Variants in GRID2 observed in about 807,000 individuals in gnomAD.
GRID2 encodes the protein glutamate ionotropic receptor delta type subunit 2, also known as glutamate receptor ionotropic, delta-2.
Under a neutral mutation model 114.8 loss-of-function variants are expected in GRID2, and 33 were observed. That is an observed-to-expected ratio of 0.29 (90% CI 0.22 to 0.38). The LOEUF (loss-of-function observed/expected upper bound fraction) is 0.38, where lower values mean the gene tolerates loss of function less well. GRID2 is among the 10% of genes least tolerant of loss of function. The pLI is 1.00. For missense variants in GRID2, 1,184 were observed against 1,257.7 expected (o/e 0.94, Z 0.89); for synonymous variants, 505 against 449.9 (o/e 1.12, Z -1.55).
intron 1 of GRID2, among the ~76,000 whole-genome samples, chr4:92,387,763 G>A (rs1334513572): frequency 1.3e-5 from 2 of 152,080 alleles, no homozygotes; most frequent in Middle Eastern, 3.4e-3. Context: ...AATGTAGAAG[G>A]GGCCTTCCTA....
Position 93,206,591 on chromosome 4 carries a change from TACACACACAC to T in GRID2, c.736-784_736-775del, listed in dbSNP as rs5860312. The stretch of plus-strand genomic sequence containing the variant: ...ACCTTCATATAGAAACTGCCCCTAC[TACACACACAC>T]ACACACACACACACACACACACACA... On this transcript the variant is annotated intron_variant, in intron 4 of 15. Transcript: ENST00000282020. Among the ~76,000 whole-genome samples the T allele has an allele frequency of 2.7e-4, 38 of 143,044 alleles. 1 individual carries two copies. In the South Asian group the frequency reaches 4.9e-3, roughly 19 times the overall value. The allele number at this position is 143,044 out of a possible 152,430, so 93.8% of individuals were successfully genotyped here.
intron 7 of GRID2, among the ~76,000 whole-genome samples, chr4:93,229,291 G>A (rs1040848556): frequency 6.6e-6 from 1 of 152,170 alleles, no homozygotes; most frequent in Admixed American, 6.6e-5. Flanking sequence ...CTCCCAAGAA[G>A]AGCAGAATGG....
chr4:93,282,197 A>G (rs139499983), intron 8 of GRID2, among the ~76,000 whole-genome samples: 10 of 152,160 alleles, frequency 6.6e-5, no homozygotes, highest in African/African-American at 2.4e-4. Flanking sequence ...ATTCATGTTC[A>G]TTTCCTTTAA....
At chr4:93,615,797 G>A (rs1185974684) in intron 13 of GRID2, among the ~76,000 whole-genome samples, 1 of 151,196 alleles carries the variant, frequency 6.6e-6, no homozygotes, top group Non-Finnish European at 1.5e-5. Flanking sequence ...CTGAGTTTTT[G>A]TTACAATCTA....
At chr4:92,753,488 T>A (rs891196877) in intron 2 of GRID2, among the ~76,000 whole-genome samples, 5 of 152,188 alleles carry the variant, frequency 3.3e-5, no homozygotes, top group African/African-American at 9.7e-5. Flanking sequence ...TCCTTATGCA[T>A]CCTGTTTTCA....
In GRID2 at chr4:92,612,412, C is replaced by T. The variant is rs369232777; in HGVS notation, c.244+22126C>T. On this transcript the variant is annotated intron_variant, in intron 2 of 15. Coordinates refer to ENST00000282020, the MANE Select transcript of GRID2 (RefSeq NM_001510.4). ...TTTCCAACACTTTTTTTCTTTCTACCGACTTATTTTTGGTTATTGAGTTCT... is the reference window on the plus strand; with the variant it reads ...TTTCCAACACTTTTTTTCTTTCTACTGACTTATTTTTGGTTATTGAGTTCT... 2.2e-4 allele frequency among the ~76,000 whole-genome samples: 34 copies of T among 151,218 alleles called. No individual in the cohort carries two copies. The Middle Eastern group carries it at 0.01, about 45-fold the overall frequency.
In GRID2 at chr4:92,730,443, T is replaced by C. The variant is rs147590123; in HGVS notation, c.244+140157T>C. ...CATGTTACTGGATTCATCTTCCACT[T>C]AGATTAGGCACACAAAAATTAATGA... On this transcript the variant is annotated intron_variant, in intron 2 of 15. Transcript: ENST00000282020. Among the ~76,000 whole-genome samples, 1,082 of 152,080 alleles carry C rather than the reference T, an allele frequency of 7.1e-3. 13 individuals carry two copies. Among genetic ancestry groups the C allele is most frequent in the African/African-American group, 0.023 (975 of 41,522 alleles).
At chr4:92,982,656 A>G (rs1754289447) in intron 2 of GRID2, among the ~76,000 whole-genome samples, 1 of 151,848 alleles carries the variant, frequency 6.6e-6, no homozygotes, top group Admixed American at 6.6e-5. Flanking sequence ...AACATTCTTT[A>G]CTCATTTGAT....
chr4:92,795,003 A>C, intron 2 of GRID2, among the ~76,000 whole-genome samples: 1 of 151,044 alleles, frequency 6.6e-6, no homozygotes, highest in South Asian at 2.1e-4. Flanking sequence ...GAGAAAATAT[A>C]TTCACTATTA....
At chr4:93,114,348 C>A (rs941471813) in intron 4 of GRID2, among the ~76,000 whole-genome samples, 1 of 152,076 alleles carries the variant, frequency 6.6e-6, no homozygotes, top group African/African-American at 2.4e-5. Flanking sequence ...TCACCTTGTC[C>A]CCCAACCTTG....
intron 11 of GRID2, among the ~76,000 whole-genome samples, chr4:93,484,559 G>A (rs542167402): frequency 6.6e-6 from 1 of 151,994 alleles, no homozygotes; most frequent in African/African-American, 2.4e-5. Flanking sequence ...CAGAGCAACT[G>A]GGGGGCTGCC....
intron 2 of GRID2, among the ~76,000 whole-genome samples, chr4:92,962,676 T>C (rs1184441666): frequency 6.6e-6 from 1 of 151,912 alleles, no homozygotes; most frequent in Non-Finnish European, 1.5e-5. Context: ...GATTTTTTTT[T>C]CCTCTAATAT....
intron 14 of GRID2, among the ~76,000 whole-genome samples, chr4:93,719,870 C>T (rs1578653577): frequency 6.6e-6 from 1 of 152,114 alleles, no homozygotes; most frequent in Non-Finnish European, 1.5e-5. Flanking sequence ...CTGATTGACT[C>T]CCTGATGTTT....
chr4:93,400,252 A>G (rs1320096570), intron 9 of GRID2, among the ~76,000 whole-genome samples: 1 of 152,118 alleles, frequency 6.6e-6, no homozygotes, highest in African/African-American at 2.4e-5. Flanking sequence ...ATTTTCCTAA[A>G]TTTCTTCATA....
intron 5 of GRID2, among the ~76,000 whole-genome samples, chr4:93,213,144 C>G (rs1743763860): frequency 1.3e-5 from 2 of 152,008 alleles, no homozygotes; most frequent in Admixed American, 6.6e-5. Context: ...TTAATTTTTT[C>G]TAGTTTAATG....
chr4:92,978,563 T>A (rs557808038), intron 2 of GRID2, among the ~76,000 whole-genome samples: 1 of 152,250 alleles, frequency 6.6e-6, no homozygotes, highest in African/African-American at 2.4e-5. Flanking sequence ...CTGATCTAGG[T>A]CTCAGGGGTC....
At chr4:93,336,165 TCTC>T (rs1165797995) in intron 8 of GRID2, among the ~76,000 whole-genome samples, 5 of 152,272 alleles carry the variant, frequency 3.3e-5, no homozygotes, top group South Asian at 2.1e-4. Flanking sequence ...ATCTGTCCCT[TCTC>T]CTCTCTTTCT....
intron 2 of GRID2, among the ~76,000 whole-genome samples, chr4:92,672,810 T>G (rs1481214696): frequency 6.6e-6 from 1 of 152,136 alleles, no homozygotes; most frequent in African/African-American, 2.4e-5. Context: ...TATTTATTGT[T>G]TCTTTGTGGC....
chr4:93,117,060 T>G (rs1733338530), intron 4 of GRID2, among the ~76,000 whole-genome samples: 1 of 152,164 alleles, frequency 6.6e-6, no homozygotes, highest in African/African-American at 2.4e-5. Flanking sequence ...TCATTCTAAC[T>G]TCATCCTTGA....
Sources: allele counts gnomAD v4.1 joint callset (sites outside exome capture counted in the v4.1 genomes callset), GRCh38; gene constraint gnomAD v4.1.1; transcripts MANE v1.5; gene names NCBI Gene and HGNC (gene_info 2026-07-23, HGNC 2026-07-21).